FAT3: variants seen among roughly 807,000 people sequenced by gnomAD.
FAT3 encodes protocadherin Fat 3.
FAT3 carries 95 observed loss-of-function variants against 310.2 expected under a neutral mutation model. That is an observed-to-expected ratio of 0.31 (90% CI 0.26 to 0.36). FAT3 has a LOEUF of 0.36. FAT3 is among the 10% of genes least tolerant of loss of function. FAT3 has a pLI of 1.00. For synonymous variants in FAT3, 2,314 were observed against 2,192.9 expected, an observed-to-expected ratio of 1.06 and a Z score of -1.54; for missense variants, 5,408 against 5,715.6, an observed-to-expected ratio of 0.95 and a Z score of 1.74.
At chr11:92,562,558 A>G (rs1955268503) in intron 3 of FAT3, among the ~76,000 whole-genome samples, 1 of 152,198 alleles carries the variant, frequency 6.6e-6, no homozygotes, top group African/African-American at 2.4e-5. Flanking sequence ...TATTATGGGA[A>G]TTGGCTCACA....
At chr11:92,330,334 T>C (rs1181560247) in intron 1 of FAT3, among the ~76,000 whole-genome samples, 2 of 152,376 alleles carry the variant, frequency 1.3e-5, no homozygotes, top group Admixed American at 6.5e-5. Context: ...GCTTTATTCA[T>C]GTCCTAACAG....
chr11:92,341,491 T>C (rs1948261117), intron 1 of FAT3, among the ~76,000 whole-genome samples: 1 of 152,228 alleles, frequency 6.6e-6, no homozygotes, highest in Non-Finnish European at 1.5e-5. Context: ...AGGAACAAGA[T>C]TTGCATTTTG....
chr11:92,603,269 T>C (rs1190775770), intron 3 of FAT3, among the ~76,000 whole-genome samples: 1 of 152,154 alleles, frequency 6.6e-6, no homozygotes, highest in Non-Finnish European at 1.5e-5. Context: ...AAAGCATTTC[T>C]AGGGGCGTGC....
Position 92,870,983 on chromosome 11 carries a change from G to A in FAT3, c.12127+3774G>A, listed in dbSNP as rs574353030. On this transcript the variant is annotated intron_variant, in intron 22 of 27. Coordinates refer to ENST00000525166, the MANE Select transcript of FAT3 (RefSeq NM_001367949.2). ...AGAAATAGGCCAGAGGGGCTAAGTC[G>A]GTAGCCTAGTATCACATAGCTAGTA... is the stretch of plus-strand genomic sequence containing the variant. 4.1e-4 allele frequency among the ~76,000 whole-genome samples: 62 copies of A among 152,214 alleles called. No individual in the cohort carries two copies. In the South Asian group the frequency reaches 0.011, roughly 28 times the overall value.
intron 25 of FAT3, among the ~76,000 whole-genome samples, chr11:92,888,036 C>T (rs532171491): frequency 9.9e-5 from 15 of 152,156 alleles, no homozygotes; most frequent in South Asian, 6.2e-4. Context: ...AGTCCTTTTC[C>T]CAGAGTACAA....
rs1238035289 is a variant in FAT3, at chr11:92,798,096, G to A, written c.5083G>A (p.Ala1695Thr). The A allele has an allele frequency of 2.5e-6, 4 of 1,613,870 alleles. No individual in the cohort carries two copies. The highest frequency in any genetic ancestry group is 3.4e-6 in the Non-Finnish European group (4 of 1,179,850). The change falls in exon 10 of 28, where the codon GCC (alanine) becomes ACC (threonine). Residue 1695 changes from alanine (A) to threonine (T), a missense_variant. Transcript: ENST00000525166. ...DIGTSVILIS[A>T]ISQSTLIYEV... The stretch of plus-strand genomic sequence containing the variant: ...TGGAACATCAGTCATTCTAATCTCT[G>A]CCATCAGTCAATCTACCCTCATTTA...
intron 1 of FAT3, among the ~76,000 whole-genome samples, chr11:92,342,906 T>C (rs1948305918): frequency 6.6e-6 from 1 of 152,084 alleles, no homozygotes; most frequent in Non-Finnish European, 1.5e-5. Context: ...TATACCATGA[T>C]GAATTTCTTT....
chr11:92,686,570 A>T lies in FAT3; in HGVS notation c.3608-10814A>T, dbSNP rs372680388. Among the ~76,000 whole-genome samples the T allele has an allele frequency of 1.1e-4, 17 of 152,336 alleles. No homozygotes were observed. The East Asian group carries it at 3.1e-3, about 28-fold the overall frequency. On this transcript the variant is annotated intron_variant, in intron 3 of 27. Coordinates refer to ENST00000525166, the MANE Select transcript of FAT3 (RefSeq NM_001367949.2). ...GTTTTACAATGTAAATATAAATTTA[A>T]GACAAAAGGGCAAGTTTGAATTAAG...
At chr11:92,834,620 G>A (rs1948351139) in intron 14 of FAT3, among the ~76,000 whole-genome samples, 3 of 152,174 alleles carry the variant, frequency 2.0e-5, no homozygotes, top group Admixed American at 2.0e-4. Flanking sequence ...CCTGAGAGAT[G>A]TTCATAAACT....
chr11:92,350,474 G>A, intron 1 of FAT3, among the ~76,000 whole-genome samples: 1 of 151,842 alleles, frequency 6.6e-6, no homozygotes, highest in East Asian at 1.9e-4. Flanking sequence ...AATGACATAT[G>A]TTGACTATTT....
intron 2 of FAT3, among the ~76,000 whole-genome samples, chr11:92,436,219 A>G (rs1950935864): frequency 1.3e-5 from 2 of 152,030 alleles, no homozygotes; most frequent in Admixed American, 1.3e-4. Flanking sequence ...GGCTCACTGC[A>G]GCCTTGACCT....
chr11:92,557,626 C>T (rs1955068578), intron 3 of FAT3, among the ~76,000 whole-genome samples: 1 of 152,212 alleles, frequency 6.6e-6, no homozygotes, highest in South Asian at 2.1e-4. Context: ...AGATTCTGTG[C>T]CCCACCTGAA....
intron 1 of FAT3, among the ~76,000 whole-genome samples, chr11:92,253,312 T>C (rs1416258533): frequency 1.3e-5 from 2 of 151,808 alleles, no homozygotes; most frequent in African/African-American, 2.4e-5. Context: ...GCAAAACAAG[T>C]TCATCACACC....
chr11:92,393,322 C>A (rs1020640129), intron 2 of FAT3, among the ~76,000 whole-genome samples: 1 of 152,092 alleles, frequency 6.6e-6, no homozygotes, highest in Non-Finnish European at 1.5e-5. Flanking sequence ...ACCAGCCTCT[C>A]TTTGAAAGGC....
At chr11:92,515,865 G>A (rs1359153347) in intron 2 of FAT3, among the ~76,000 whole-genome samples, 2 of 152,062 alleles carry the variant, frequency 1.3e-5, no homozygotes, top group Non-Finnish European at 2.9e-5. Flanking sequence ...TACTGTCTCT[G>A]TTTGGAGATG....
intron 2 of FAT3, among the ~76,000 whole-genome samples, chr11:92,486,578 T>G (rs1952412918): frequency 6.6e-6 from 1 of 152,176 alleles, no homozygotes; most frequent in African/African-American, 2.4e-5. Flanking sequence ...CCCAGATTTT[T>G]TATGCTCTCT....
intron 2 of FAT3, among the ~76,000 whole-genome samples, chr11:92,463,837 G>A (rs865799144): frequency 6.6e-6 from 1 of 152,136 alleles, no homozygotes; most frequent in Non-Finnish European, 1.5e-5. Flanking sequence ...GCAGTTCTCC[G>A]ACCCCTTTCT....
intron 22 of FAT3, among the ~76,000 whole-genome samples, chr11:92,877,142 G>A (rs1031691068): frequency 1.1e-4 from 17 of 152,214 alleles, no homozygotes; most frequent in Admixed American, 7.8e-4. Context: ...AGAGACAGGT[G>A]GTAAGGAAGA....
At chr11:92,348,373 A>C (rs980874377) in intron 1 of FAT3, among the ~76,000 whole-genome samples, 1 of 152,216 alleles carries the variant, frequency 6.6e-6, no homozygotes, top group African/African-American at 2.4e-5. Flanking sequence ...CTGAAAGAAA[A>C]ACTCACTATG....
Sources: gnomAD v4.1 joint callset for allele counts (sites outside exome capture counted in the v4.1 genomes callset) on GRCh38, gnomAD v4.1.1 for gene constraint, MANE v1.5 for transcripts, NCBI Gene and HGNC (gene_info 2026-07-23, HGNC 2026-07-21) for gene names.